The following BTBD8 variants were observed in gnomAD, a reference collection of about 807,000 sequenced individuals.
The protein encoded by BTBD8 is BTB domain containing 8, also known as BTB/POZ domain-containing protein 8.
A neutral mutation model predicts 162.9 loss-of-function variants in BTBD8; 110 were observed. That is an observed-to-expected ratio of 0.68 (90% CI 0.58 to 0.79). The LOEUF (loss-of-function observed/expected upper bound fraction) is 0.79, where lower values mean the gene tolerates loss of function less well. Ranked by LOEUF, BTBD8 falls within the 30% of genes least tolerant of loss-of-function variation. BTBD8 has a pLI of 0.00. For synonymous variants in BTBD8, 667 were observed against 716.1 expected, an observed-to-expected ratio of 0.93 and a Z score of 1.10; for missense variants, 1,905 against 2,085.4, an observed-to-expected ratio of 0.91 and a Z score of 1.68.
intron 5 of BTBD8, among the ~76,000 whole-genome samples, chr1:92,130,146 CT>C (rs1222482383): frequency 3.3e-5 from 5 of 152,138 alleles, no homozygotes; most frequent in South Asian, 2.1e-4. Flanking sequence ...GTGGCCTTTC[CT>C]TGGTGCGTGC....
At chr1:92,162,670 G>A (rs1650295738) in intron 9 of BTBD8, among the ~76,000 whole-genome samples, 1 of 152,124 alleles carries the variant, frequency 6.6e-6, no homozygotes, top group South Asian at 2.1e-4. Flanking sequence ...ATACACCCTT[G>A]AATTGGCTTT....
Position 92,181,038 on chromosome 1 carries a change from C to CATTTGATTTTCAGAT in BTBD8, c.3362_3363insTTTCAGATATTTGAT (p.Ile1121_Ser1122insPheArgTyrLeuIle). ...AGACTCAACAAGTGCAGGGCAAATCCATTTGATATCAGATAGGGAGAACCA... is the reference window on the plus strand; with the variant it reads ...AGACTCAACAAGTGCAGGGCAAATCCATTTGATTTTCAGATATTTGATATCAGATAGGGAGAACCA... On this transcript the variant is annotated inframe_insertion, in exon 17 of 18. Coordinates refer to ENST00000636805, the MANE Select transcript of BTBD8 (RefSeq NM_001376131.1). 6.4e-7 allele frequency: 1 copy of CATTTGATTTTCAGAT among 1,551,756 alleles called. No individual in the cohort carries two copies. The highest frequency in any genetic ancestry group is 8.7e-7 in the Non-Finnish European group (1 of 1,146,996).
chr1:92,147,822 C>T, intron 9 of BTBD8, 36 bp downstream of exon 9: 2 of 1,522,066 alleles, frequency 1.3e-6, no homozygotes, highest in Admixed American at 2.0e-5. Flanking sequence ...GTGTGTTTGC[C>T]ATTAAAAAGT....
chr1:92,167,581 G>A (rs1022164008), intron 10 of BTBD8, among the ~76,000 whole-genome samples: 1 of 152,232 alleles, frequency 6.6e-6, no homozygotes, highest in Non-Finnish European at 1.5e-5. Flanking sequence ...TTTAAAAACT[G>A]TGTGTCCAAC....
chr1:92,178,518 T>G, intron 16 of BTBD8, 67 bp downstream of exon 16: 2 of 1,329,878 alleles, frequency 1.5e-6, no homozygotes, highest in Non-Finnish European at 2.0e-6. Context: ...AGCCAAACTC[T>G]GATTTGCAAC....
chr1:92,181,948 A>T lies in BTBD8; in HGVS notation c.4265A>T (p.Glu1422Val). Residue 1422 changes from glutamate to valine, a missense_variant, in exon 17 of 18, where the codon GAA becomes GTA. This residue lies in a region of BTBD8 where 517 missense variants were observed against 606.6 expected (regional missense o/e 0.85). Transcript: ENST00000636805. ...AATTTAGCTTTTGAAGATGCAACTG[A>T]AAATGAATGTCGTGAATTTTCTGCA... The part of the protein sequence containing the change: ...IINLAFEDAT[E>V]NECREFSATK... The T allele has an allele frequency of 6.4e-7, 1 of 1,551,678 alleles. No homozygotes were observed. The highest frequency in any genetic ancestry group is 8.7e-7 in the Non-Finnish European group (1 of 1,146,930).
At position 92,139,377 on chromosome 1, in the gene BTBD8, G is replaced by A. The variant is rs567580399; in HGVS notation, c.780G>A (p.Met260Ile). The A allele has an allele frequency of 7.5e-6, 12 of 1,591,310 alleles. No homozygotes were observed. Among genetic ancestry groups the A allele is most frequent in the Non-Finnish European group, 1.0e-5 (12 of 1,173,494 alleles). ...QGISHVELNV[M>I]MHFIYGGTLD... Reference sequence around the variant, plus strand: ...TAAGCCATGTAGAACTGAATGTTATGATGCATTTTATATATGGAGGAACTC... The same window carrying A: ...TAAGCCATGTAGAACTGAATGTTATAATGCATTTTATATATGGAGGAACTC... Residue 260 changes from methionine (M) to isoleucine (I), a missense_variant, in exon 6 of 18, where the codon ATG becomes ATA. Physicochemically the swap from Met to Ile is conservative, Grantham distance 10 (BLOSUM62 1). Around this residue, in one of 3 missense-constraint regions of BTBD8, gnomAD observed 1,374 missense variants for 1,442.7 expected, o/e 0.95. Coordinates refer to ENST00000636805, the MANE Select transcript of BTBD8 (RefSeq NM_001376131.1).
At chr1:92,116,857 CTTT>C (rs112709043) in intron 4 of BTBD8, among the ~76,000 whole-genome samples, 1 of 141,976 alleles carries the variant, frequency 7.0e-6, no homozygotes, top group Non-Finnish European at 1.5e-5. Context: ...TACCATTGTA[CTTT>C]TTTTTTTTTT....
chr1:92,147,780 G>A lies in BTBD8; in HGVS notation c.1116G>A (p.Gln372=). The change falls in exon 9 of 18, where the codon CAG becomes CAA. Residue 372 remains glutamine (Q), a synonymous_variant. Transcript: ENST00000636805. ...AAAGTTGTCTTAATATGTTGATTCA[G>A]TCCTTAGTAAGTATAACCTGAATAC... ...IQKSCLNMLI[Q]SLNDKNAAFL... 3 of 1,610,732 alleles carry A rather than the reference G, an allele frequency of 1.9e-6. No individual in the cohort carries two copies. Among genetic ancestry groups the A allele is most frequent in the Non-Finnish European group, 2.5e-6 (3 of 1,177,984 alleles).
intron 7 of BTBD8, among the ~76,000 whole-genome samples, chr1:92,142,799 G>A (rs1436352586): frequency 6.6e-6 from 1 of 152,150 alleles, no homozygotes; most frequent in Non-Finnish European, 1.5e-5. Flanking sequence ...CACTAAAGGA[G>A]CCATTACATC....
At chr1:92,105,978 T>A (rs1648714865) in intron 3 of BTBD8, among the ~76,000 whole-genome samples, 1 of 152,188 alleles carries the variant, frequency 6.6e-6, no homozygotes, top group African/African-American at 2.4e-5. Context: ...TAAACACTCC[T>A]AAGTTAGGTT....
rs1019902527 is a variant in BTBD8, at chr1:92,142,545, A to C, written c.930+1334A>C. Among the ~76,000 whole-genome samples the C allele has an allele frequency of 5.3e-5, 8 of 152,320 alleles. No homozygotes were observed. In the South Asian group the frequency reaches 1.4e-3, roughly 28 times the overall value. ...GAGAAGGCTTGCTGGAGAAGCCAAA[A>C]CCAGCCTTGGTGTAAGGAACTACAG... On this transcript the variant is annotated intron_variant, in intron 7 of 17. Transcript: ENST00000636805.
intron 9 of BTBD8, among the ~76,000 whole-genome samples, chr1:92,163,442 A>G (rs1259204043): frequency 1.3e-5 from 2 of 151,504 alleles, no homozygotes; most frequent in Admixed American, 6.6e-5. Flanking sequence ...TAAGAAAATT[A>G]CATATATGTT....
At chr1:92,134,831 C>G (rs757893637) in intron 5 of BTBD8, among the ~76,000 whole-genome samples, 36 of 151,540 alleles carry the variant, frequency 2.4e-4, no homozygotes, top group Admixed American at 4.6e-4. Context: ...ACATAGGAGC[C>G]TGAAACTTTA....
intron 9 of BTBD8, among the ~76,000 whole-genome samples, chr1:92,164,436 G>A (rs1421471517): frequency 1.3e-5 from 2 of 152,020 alleles, no homozygotes; most frequent in South Asian, 2.1e-4. Flanking sequence ...TGACCAACAT[G>A]GTGAAACCCC....
At position 92,108,014 on chromosome 1, in the gene BTBD8, G is replaced by T; in HGVS notation, c.662+13G>T. 1 of 1,595,662 alleles carries T rather than the reference G, an allele frequency of 6.3e-7. No homozygotes were observed. The highest frequency in any genetic ancestry group is 1.1e-5 in the South Asian group (1 of 90,644). Reference sequence around the variant, plus strand: ...TTAAAGCTCACAGGTAAATAGACACGACTGATTTGCTGTCTTGGTTGTGGC... The same window carrying T: ...TTAAAGCTCACAGGTAAATAGACACTACTGATTTGCTGTCTTGGTTGTGGC... On this transcript the variant is annotated intron_variant, in intron 4 of 17. Coordinates refer to ENST00000636805, the MANE Select transcript of BTBD8 (RefSeq NM_001376131.1).
chr1:92,109,658 T>G (rs754487437), intron 4 of BTBD8, among the ~76,000 whole-genome samples: 2 of 152,244 alleles, frequency 1.3e-5, no homozygotes, highest in African/African-American at 4.8e-5. Context: ...TTTTAAATTA[T>G]AAGGTTACCT....
At chr1:92,169,110 T>C (rs1463564628) in intron 12 of BTBD8, 115 bp downstream of exon 12, 7 of 999,956 alleles carry the variant, frequency 7.0e-6, no homozygotes, top group East Asian at 2.7e-5. Context: ...TGTTGGATAA[T>C]AGGATAACTG....
chr1:92,180,884 A>T lies in BTBD8; in HGVS notation c.3201A>T (p.Ala1067=). 6.4e-7 allele frequency: 1 copy of T among 1,551,716 alleles called. No individual in the cohort carries two copies. The highest frequency in any genetic ancestry group is 8.7e-7 in the Non-Finnish European group (1 of 1,146,984). ...PNHKETDDCD[A]ANICCHSVGS... is the part of the protein sequence containing the mutation. ...ACAAAGAAACAGATGATTGCGATGC[A>T]GCTAACATATGTTGTCATTCTGTTG... The change falls in exon 17 of 18, where the codon GCA becomes GCT. Residue 1067 remains alanine (A), a synonymous_variant. Coordinates refer to ENST00000636805, the MANE Select transcript of BTBD8 (RefSeq NM_001376131.1).
Sources: allele counts gnomAD v4.1 joint callset (sites outside exome capture counted in the v4.1 genomes callset), GRCh38; gene constraint gnomAD v4.1.1; regional missense constraint gnomAD v4.1.1; transcripts MANE v1.5; gene names NCBI Gene and HGNC (gene_info 2026-07-23, HGNC 2026-07-21).